The following GALNTL6 variants were observed in gnomAD, a reference collection of about 807,000 sequenced individuals.
GALNTL6 encodes polypeptide N-acetylgalactosaminyltransferase like 6, also known as polypeptide N-acetylgalactosaminyltransferase-like 6.
A neutral mutation model predicts 73.7 loss-of-function variants in GALNTL6; 46 were observed. The observed-to-expected ratio is 0.62, with a 90% CI of 0.49 to 0.80. GALNTL6 has a LOEUF of 0.80. Among genes scored for constraint, GALNTL6 ranks in the 30% least tolerant of loss-of-function variants. The pLI is 0.00. For synonymous variants in GALNTL6, 259 were observed against 263.7 expected, an observed-to-expected ratio of 0.98 and a Z score of 0.17; for missense variants, 604 against 755.0, an observed-to-expected ratio of 0.80 and a Z score of 2.34.
intron 5 of GALNTL6, among the ~76,000 whole-genome samples, chr4:172,378,690 G>C (rs1269976789): frequency 1.3e-5 from 2 of 151,826 alleles, no homozygotes; most frequent in African/African-American, 4.8e-5. Flanking sequence ...TTAATGCTGA[G>C]TAATATCATA....
intron 2 of GALNTL6, among the ~76,000 whole-genome samples, chr4:172,177,815 G>GTGTGTATATATATACACA (rs1560955630): frequency 8.1e-6 from 1 of 123,394 alleles, no homozygotes; most frequent in Non-Finnish European, 1.6e-5. Context: ...ACATATATGT[G>GTGTGTATATATATACACA]TGTGTATATA....
chr4:172,513,757 G>T (rs930412791), intron 5 of GALNTL6, among the ~76,000 whole-genome samples: 1 of 152,196 alleles, frequency 6.6e-6, no homozygotes. Context: ...GCCCCATGAG[G>T]TTATCATCCT....
chr4:172,809,216 C>A lies in GALNTL6; in HGVS notation c.554-145C>A. 3.2e-6 allele frequency: 2 copies of A among 634,556 alleles called. No individual in the cohort carries two copies. Among genetic ancestry groups the A allele is most frequent in the Non-Finnish European group, 5.5e-6 (2 of 364,662 alleles). 39.3% of individuals were successfully genotyped at this position (634,556 alleles called of 1,614,324 possible). On this transcript the variant is annotated intron_variant, in intron 5 of 12. Transcript: ENST00000506823. This position sits in a 1 kb window ranked among gnomAD's most constrained non-coding sequence, Gnocchi z 4.4. ...GAAAGTGTAAAATCTAAAAATCTTA[C>A]TAGTATCTCCCATCTAGATGAGGAG...
intron 2 of GALNTL6, among the ~76,000 whole-genome samples, chr4:171,936,061 A>G (rs1304323810): frequency 2.0e-5 from 3 of 152,160 alleles, no homozygotes; most frequent in Admixed American, 6.5e-5. Context: ...ACTTAGACAA[A>G]AAATTATTTA....
At chr4:172,462,186 A>T (rs1732643962) in intron 5 of GALNTL6, among the ~76,000 whole-genome samples, 1 of 149,078 alleles carries the variant, frequency 6.7e-6, no homozygotes, top group African/African-American at 2.4e-5. Context: ...ATAATTCTCC[A>T]GCTTGCAGAC....
intron 2 of GALNTL6, among the ~76,000 whole-genome samples, chr4:172,034,010 T>C (rs1458310639): frequency 1.3e-5 from 2 of 152,112 alleles, no homozygotes; most frequent in Admixed American, 6.6e-5. Flanking sequence ...AATCAAAAAT[T>C]GTTTTCTCAG....
chr4:172,526,402 G>A (rs527954471), intron 5 of GALNTL6, among the ~76,000 whole-genome samples: 1 of 152,230 alleles, frequency 6.6e-6, no homozygotes, highest in Non-Finnish European at 1.5e-5. Flanking sequence ...TGAGACTCAG[G>A]TAAATTTAAA....
intron 2 of GALNTL6, among the ~76,000 whole-genome samples, chr4:172,175,507 G>A (rs1734961176): frequency 6.6e-6 from 1 of 152,128 alleles, no homozygotes; most frequent in Admixed American, 6.5e-5. Flanking sequence ...CAAAACAAAT[G>A]ATGAGTCAAA....
intron 2 of GALNTL6, among the ~76,000 whole-genome samples, chr4:171,960,607 G>A (rs1453462774): frequency 6.8e-6 from 1 of 146,246 alleles, no homozygotes; most frequent in Non-Finnish European, 1.5e-5. Flanking sequence ...AGCAATTTAA[G>A]TAAATGGCTT....
intron 5 of GALNTL6, among the ~76,000 whole-genome samples, chr4:172,796,241 T>A (rs964653559): frequency 6.6e-6 from 1 of 152,142 alleles, no homozygotes; most frequent in African/African-American, 2.4e-5. Flanking sequence ...GTTTGTTGGT[T>A]TGGTTTTGTT....
intron 2 of GALNTL6, among the ~76,000 whole-genome samples, chr4:171,941,474 G>A (rs1355113826): frequency 6.6e-6 from 1 of 152,192 alleles, no homozygotes; most frequent in Non-Finnish European, 1.5e-5. Context: ...TGTATAGGAA[G>A]AAAATTCTTC....
chr4:172,099,223 A>C (rs2110956949), intron 2 of GALNTL6, among the ~76,000 whole-genome samples: 1 of 152,302 alleles, frequency 6.6e-6, no homozygotes, highest in South Asian at 2.1e-4. Context: ...CCTTAAAGCA[A>C]GTTTAGTAGG....
intron 8 of GALNTL6, among the ~76,000 whole-genome samples, chr4:172,917,290 A>C (rs894033396): frequency 2.6e-5 from 4 of 152,220 alleles, no homozygotes; most frequent in African/African-American, 9.7e-5. Context: ...AAAACCATAA[A>C]AACCCTAGAA....
intron 2 of GALNTL6, among the ~76,000 whole-genome samples, chr4:172,206,911 G>A (rs560193794): frequency 6.9e-6 from 1 of 145,546 alleles, no homozygotes; most frequent in African/African-American, 2.6e-5. Flanking sequence ...TCCGCCTCTC[G>A]GGTTCAGGCT....
chr4:172,566,648 C>T (rs1338253992), intron 5 of GALNTL6, among the ~76,000 whole-genome samples: 1 of 150,824 alleles, frequency 6.6e-6, no homozygotes, highest in African/African-American at 2.4e-5. Context: ...AAACTACATC[C>T]AAAGTTAGTA....
At chr4:172,546,128 G>A (rs1735737479) in intron 5 of GALNTL6, among the ~76,000 whole-genome samples, 1 of 152,024 alleles carries the variant, frequency 6.6e-6, no homozygotes, top group African/African-American at 2.4e-5. Flanking sequence ...TGCATTTTAT[G>A]GATGACAAAA....
chr4:172,934,649 G>A (rs1374321064), intron 9 of GALNTL6, among the ~76,000 whole-genome samples: 6 of 152,142 alleles, frequency 3.9e-5, no homozygotes, highest in East Asian at 1.9e-4. Flanking sequence ...ACTGGGACAC[G>A]GTTGTGGTGT....
intron 2 of GALNTL6, among the ~76,000 whole-genome samples, chr4:172,160,702 T>C (rs997288010): frequency 4.6e-5 from 7 of 151,920 alleles, no homozygotes; most frequent in Admixed American, 2.6e-4. Context: ...TAATACAAAC[T>C]TCATATATAT....
chr4:171,905,465 C>A (rs1345256983), intron 2 of GALNTL6, among the ~76,000 whole-genome samples: 4 of 151,290 alleles, frequency 2.6e-5, no homozygotes, highest in Admixed American at 1.3e-4. Flanking sequence ...TATATGCACC[C>A]AATACAGGAG....
Sources: gnomAD v4.1 joint callset for allele counts (sites outside exome capture counted in the v4.1 genomes callset) on GRCh38, gnomAD v4.1.1 for gene constraint, Gnocchi (gnomAD v3.1) non-coding constraint, MANE v1.5 for transcripts, NCBI Gene and HGNC (gene_info 2026-07-23, HGNC 2026-07-21) for gene names.